The following IQSEC2 variants were observed in gnomAD, a reference collection of about 807,000 sequenced individuals.
The protein encoded by IQSEC2 is IQ motif and SEC7 domain-containing protein 2.
A neutral mutation model predicts 74.6 loss-of-function variants in IQSEC2; 6 were observed. That is an observed-to-expected ratio of 0.08 (90% CI 0.04 to 0.16). IQSEC2 has a LOEUF of 0.16. Ranked by LOEUF, IQSEC2 falls within the 10% of genes least tolerant of loss-of-function variation. IQSEC2 has a pLI of 1.00. For synonymous variants in IQSEC2, 494 were observed against 544.5 expected (o/e 0.91, Z 1.29); for missense variants, 734 against 1,306.2 (o/e 0.56, Z 6.75).
chrX:53,278,495 T>C (rs781981647), intron 2 of IQSEC2, among the ~76,000 whole-genome samples: 1 of 112,480 alleles, frequency 8.9e-6, no homozygotes, highest in Non-Finnish European at 1.9e-5. Flanking sequence ...TAATACTTTA[T>C]CAAATCTTTT....
intron 1 of IQSEC2, among the ~76,000 whole-genome samples, chrX:53,292,301 C>G (rs1272383690): frequency 8.9e-6 from 1 of 111,981 alleles, no homozygotes; most frequent in Non-Finnish European, 1.9e-5. Flanking sequence ...GCTTGAAACA[C>G]AGGAAGACCT....
intron 2 of IQSEC2, among the ~76,000 whole-genome samples, chrX:53,260,861 C>T (rs968681034): frequency 8.9e-6 from 1 of 111,744 alleles, no homozygotes; most frequent in African/African-American, 3.3e-5. Flanking sequence ...GGTCACATAG[C>T]TATTAAGTAA....
chrX:53,313,451 G>A (rs942966195), intron 1 of IQSEC2, among the ~76,000 whole-genome samples: 2 of 112,111 alleles, frequency 1.8e-5, no homozygotes, highest in Admixed American at 9.5e-5. Flanking sequence ...GGGCTTCCCC[G>A]TGTAAATGCT....
intron 1 of IQSEC2, among the ~76,000 whole-genome samples, chrX:53,317,605 G>GC (rs1223033500): frequency 8.1e-5 from 9 of 111,646 alleles, no homozygotes; most frequent in East Asian, 2.8e-4. Flanking sequence ...GCACAGCGGG[G>GC]CCCCCCCAAC....
chrX:53,230,522 G>A (rs1229349316), downstream of IQSEC2: 2 of 113,033 alleles, frequency 1.8e-5, no homozygotes, highest in African/African-American at 6.4e-5. Context: ...GCTTATCACA[G>A]ACAGACCTAT....
chrX:53,285,487 C>T (rs963124504), intron 2 of IQSEC2, among the ~76,000 whole-genome samples: 1 of 112,517 alleles, frequency 8.9e-6, no homozygotes, highest in South Asian at 3.6e-4. Flanking sequence ...GTAAGTCACC[C>T]CTACTTGGCA....
intron 1 of IQSEC2, among the ~76,000 whole-genome samples, chrX:53,303,013 G>T (rs955696464): frequency 1.8e-5 from 2 of 111,108 alleles, no homozygotes; most frequent in African/African-American, 6.5e-5. Flanking sequence ...GACAAGCCTG[G>T]ACAACACAGG....
At chrX:53,278,959 C>T (rs1258859036) in intron 2 of IQSEC2, among the ~76,000 whole-genome samples, 4 of 111,996 alleles carry the variant, frequency 3.6e-5, no homozygotes, top group East Asian at 2.8e-4. Context: ...GGGCGGATCA[C>T]GAGGTCAGGA....
Position 53,320,499 on chromosome X carries a change from C to T in IQSEC2, c.625G>A (p.Ala209Thr), listed in dbSNP as rs782319736. ...PRERGQLSRG[A>T]SRSSSPGAGG... ...GCGCCGGGACTGGAGCTCCTGGATGCGCCACGGCTCAGCTGGCCCCGCTCC... is the reference window on the plus strand; with the variant it reads ...GCGCCGGGACTGGAGCTCCTGGATGTGCCACGGCTCAGCTGGCCCCGCTCC... The change falls in exon 1 of 15, where the codon GCA becomes ACA. Residue 209 changes from alanine to threonine, a missense_variant. This residue lies in a region of IQSEC2 where 134 missense variants were observed against 214.9 expected (regional missense o/e 0.62). Coordinates refer to ENST00000642864, the MANE Select transcript of IQSEC2 (RefSeq NM_001111125.3). 1.3e-5 allele frequency: 15 copies of T among 1,162,286 alleles called. No homozygotes were observed. The highest frequency in any genetic ancestry group is 2.6e-5 in the Admixed American group (1 of 38,614).
At chrX:53,255,697 A>T (rs1556864921) in intron 3 of IQSEC2, 103 bp downstream of exon 3, 3 of 1,006,082 alleles carry the variant, frequency 3.0e-6, no homozygotes. Context: ...TTCCAGCCTC[A>T]TTATCCCTCC....
intron 2 of IQSEC2, among the ~76,000 whole-genome samples, chrX:53,272,117 T>A (rs2074752967): frequency 9.0e-6 from 1 of 110,502 alleles, no homozygotes; most frequent in South Asian, 4.0e-4. Flanking sequence ...TGGCTCTTAC[T>A]TAACCTTTAA....
At chrX:53,256,960 G>A (rs1242445433) in intron 2 of IQSEC2, among the ~76,000 whole-genome samples, 1 of 112,190 alleles carries the variant, frequency 8.9e-6, no homozygotes, top group Non-Finnish European at 1.9e-5. Flanking sequence ...TGGCAACCAG[G>A]CTGCCAGGGA....
At chrX:53,284,080 G>C (rs782122162) in intron 2 of IQSEC2, among the ~76,000 whole-genome samples, 7 of 111,081 alleles carry the variant, frequency 6.3e-5, no homozygotes, top group Non-Finnish European at 1.1e-4. Context: ...CGGGGTTTCC[G>C]TATCTATAGG....
chrX:53,302,812 C>T (rs2075223711), intron 1 of IQSEC2, among the ~76,000 whole-genome samples: 1 of 111,166 alleles, frequency 9.0e-6, no homozygotes, highest in Admixed American at 9.5e-5. Flanking sequence ...TAGTGTGTGC[C>T]TATAGTCCCA....
intron 2 of IQSEC2, among the ~76,000 whole-genome samples, chrX:53,263,573 G>T (rs1471885829): frequency 9.1e-6 from 1 of 110,117 alleles, no homozygotes; most frequent in East Asian, 2.9e-4. Flanking sequence ...ACATAACCAA[G>T]CCCATGCTCA....
intron 2 of IQSEC2, among the ~76,000 whole-genome samples, chrX:53,275,804 C>G (rs2074822026): frequency 9.8e-6 from 1 of 102,012 alleles, no homozygotes; most frequent in African/African-American, 3.7e-5. Context: ...CACCATTCTC[C>G]CGCCTCAGCC....
chrX:53,321,128 G>A lies in IQSEC2; in HGVS notation c.-5C>T. 1 of 1,089,599 alleles carries A rather than the reference G, an allele frequency of 9.2e-7. No homozygotes were observed. The highest frequency in any genetic ancestry group is 1.2e-6 in the Non-Finnish European group (1 of 814,495). 89.8% of individuals were successfully genotyped at this position (1,089,599 alleles called of 1,213,427 possible). ...GGGCCCCGACCCCGCCTCCATCCTG[G>A]CGGCCCAGGGGCAGGGGAACGGGCA... On this transcript the variant is annotated 5_prime_UTR_variant, in exon 1 of 15. Transcript: ENST00000642864.
rs1276572682 is a variant in IQSEC2 at position 53,277,134 on chromosome X, G to T, written c.737+14761C>A. 3.6e-5 allele frequency among the ~76,000 whole-genome samples: 4 copies of T among 110,223 alleles called. No homozygotes were observed. In the Admixed American group the frequency reaches 3.9e-4, roughly 11 times the overall value. On this transcript the variant is annotated intron_variant, in intron 2 of 14. Transcript: ENST00000642864. ...CCTATTATCTGATCTTTCAAGATTTGCTAGAATTTCCATCATACCAGAACT... is the reference window on the plus strand; with the variant it reads ...CCTATTATCTGATCTTTCAAGATTTTCTAGAATTTCCATCATACCAGAACT...
intron 1 of IQSEC2, among the ~76,000 whole-genome samples, chrX:53,309,302 G>A (rs1480991499): frequency 8.9e-6 from 1 of 112,125 alleles, no homozygotes; most frequent in Non-Finnish European, 1.9e-5. Context: ...GGTTGCATCT[G>A]GGGCTGAGAA....
Sources: gnomAD v4.1 joint callset for allele counts (sites outside exome capture counted in the v4.1 genomes callset) on GRCh38, gnomAD v4.1.1 for gene constraint, gnomAD v4.1.1 regional missense constraint, MANE v1.5 for transcripts, NCBI Gene and HGNC (gene_info 2026-07-23, HGNC 2026-07-21) for gene names.